Variants in ZNF676 observed in about 807,000 individuals in gnomAD.
The protein encoded by ZNF676 is zinc finger protein 676.
ZNF676 carries 4 observed loss-of-function variants against 6.0 expected under a neutral mutation model. The observed-to-expected ratio is 0.67, with a 90% CI of 0.33 to 1.53. The LOEUF (loss-of-function observed/expected upper bound fraction) is 1.53, where lower values mean the gene tolerates loss of function less well. Among genes scored for constraint, ZNF676 ranks in the 40% most tolerant of loss-of-function variants. ZNF676 has a pLI of 0.06. For missense variants in ZNF676, 644 were observed against 679.7 expected (o/e 0.95, Z 0.58); for synonymous variants, 198 against 223.1 (o/e 0.89, Z 1.00).
intron 1 of ZNF676, among the ~76,000 whole-genome samples, chr19:22,193,457 G>T (rs1526887): frequency 1 from 152,031 of 152,158 alleles, 75,953 homozygotes; most frequent in Middle Eastern, 1. Context: ...ACCCTTCTGT[G>T]TTTTCTGCTT....
the ZNF676 span, among the ~76,000 whole-genome samples, chr19:22,238,144 C>A: frequency 6.6e-6 from 1 of 152,164 alleles, no homozygotes; most frequent in Non-Finnish European, 1.5e-5. Flanking sequence ...CCTCCACCTC[C>A]CAGTTTCAAG....
intron 1 of ZNF676, among the ~76,000 whole-genome samples, chr19:22,214,676 A>T (rs948679837): frequency 5.3e-5 from 8 of 151,942 alleles, no homozygotes; most frequent in African/African-American, 1.9e-4. Flanking sequence ...ATTCAGGCTT[A>T]ACACACTATA....
chr19:22,244,529 G>A, the ZNF676 span: 1 of 152,222 alleles, frequency 6.6e-6, no homozygotes, highest in African/African-American at 2.4e-5. Flanking sequence ...ATGAGCAGAA[G>A]AGTCACATCA....
At chr19:22,217,304 G>A (rs2144845400), upstream of ZNF676, among the ~76,000 whole-genome samples, 1 of 152,308 alleles carries the variant, frequency 6.6e-6, no homozygotes, top group Admixed American at 6.5e-5. Flanking sequence ...CCAGGTTCAA[G>A]CGATGCTCCT....
the ZNF676 span, among the ~76,000 whole-genome samples, chr19:22,232,488 C>G: frequency 3.3e-5 from 5 of 152,018 alleles, no homozygotes; most frequent in Non-Finnish European, 7.4e-5. Flanking sequence ...TTTCAATACC[C>G]CATTTTGTAT....
chr19:22,240,904 G>A, the ZNF676 span, among the ~76,000 whole-genome samples: 3 of 151,978 alleles, frequency 2.0e-5, no homozygotes, highest in Middle Eastern at 6.3e-3. Flanking sequence ...TGGATGATGG[G>A]CACAGAGATA....
the ZNF676 span, among the ~76,000 whole-genome samples, chr19:22,253,391 T>C: frequency 4.4e-5 from 2 of 45,918 alleles, no homozygotes; most frequent in Admixed American, 2.4e-4. Flanking sequence ...TATATATATA[T>C]ATATGATAAT....
chr19:22,254,967 T>A, the ZNF676 span, among the ~76,000 whole-genome samples: 1 of 152,200 alleles, frequency 6.6e-6, no homozygotes, highest in African/African-American at 2.4e-5. Flanking sequence ...CAATCACACA[T>A]GCAAGATGGT....
At chr19:22,250,916 T>C in the ZNF676 span, among the ~76,000 whole-genome samples, 2 of 152,128 alleles carry the variant, frequency 1.3e-5, no homozygotes, top group African/African-American at 4.8e-5. Flanking sequence ...TTCACCATGT[T>C]GAGCAGGCTG....
chr19:22,217,188 A>G (rs1568538208), upstream of ZNF676, among the ~76,000 whole-genome samples: 1 of 151,748 alleles, frequency 6.6e-6, no homozygotes, highest in Non-Finnish European at 1.5e-5. Flanking sequence ...AGTCCACTAT[A>G]TAATTCTTTT....
At chr19:22,249,025 C>A in the ZNF676 span, among the ~76,000 whole-genome samples, 1 of 151,996 alleles carries the variant, frequency 6.6e-6, no homozygotes, top group Non-Finnish European at 1.5e-5. Flanking sequence ...CCACCACACC[C>A]GGCCATGTGT....
At chr19:22,230,151 C>T in the ZNF676 span, among the ~76,000 whole-genome samples, 7 of 152,242 alleles carry the variant, frequency 4.6e-5, 1 homozygote, top group East Asian at 1.9e-4. Context: ...ATATACACCA[C>T]GGAATACTAT....
chr19:22,240,062 G>A, the ZNF676 span, among the ~76,000 whole-genome samples: 1 of 152,212 alleles, frequency 6.6e-6, no homozygotes, highest in Admixed American at 6.5e-5. Context: ...GCAGTGGGCA[G>A]GGCCTAGGCA....
rs529756675 is a variant in ZNF676 at position 22,211,273 on chromosome 19, G to A, written c.3+4359C>T. Among the ~76,000 whole-genome samples, 106 of 152,172 alleles carry A rather than the reference G, an allele frequency of 7.0e-4. 1 individual carries two copies. Among genetic ancestry groups the A allele is most frequent in the South Asian group, 5.4e-3 (26 of 4,814 alleles). ...GCTCTGTAGCTTCTCTCACTATAGA[G>A]GCTTCTTCCATGGCTGCGGTAAGCA... On this transcript the variant is annotated intron_variant, in intron 1 of 3. Coordinates refer to the ZNF676 transcript ENST00000650058.
the ZNF676 span, among the ~76,000 whole-genome samples, chr19:22,222,732 CGCAGCAAA>C: frequency 6.6e-6 from 1 of 152,126 alleles, no homozygotes; most frequent in Admixed American, 6.5e-5. Context: ...AGGTGGTAAA[CGCAGCAAA>C]GCAGCTGCGT....
At chr19:22,212,697 A>G (rs1476723931) in intron 1 of ZNF676, among the ~76,000 whole-genome samples, 3 of 146,060 alleles carry the variant, frequency 2.1e-5, no homozygotes, top group Admixed American at 2.0e-4. Flanking sequence ...AGAGGAAAAC[A>G]CTGTCTAAAA....
At chr19:22,245,212 G>A in the ZNF676 span, 1 of 152,176 alleles carries the variant, frequency 6.6e-6, no homozygotes, top group African/African-American at 2.4e-5. Context: ...TATTTTCCCT[G>A]TGAATAGGGC....
At chr19:22,205,643 G>A (rs1363043791) in intron 1 of ZNF676, among the ~76,000 whole-genome samples, 1 of 152,098 alleles carries the variant, frequency 6.6e-6, no homozygotes, top group Non-Finnish European at 1.5e-5. Flanking sequence ...CAGAATCTCT[G>A]CAATACAGCT....
At chr19:22,241,818 A>C in the ZNF676 span, among the ~76,000 whole-genome samples, 5 of 151,868 alleles carry the variant, frequency 3.3e-5, no homozygotes, top group African/African-American at 4.9e-5. Flanking sequence ...TCACCATCTC[A>C]TTTGTGGTCA....
Sources: gnomAD v4.1 joint callset for allele counts (sites outside exome capture counted in the v4.1 genomes callset) on GRCh38, gnomAD v4.1.1 for gene constraint, MANE v1.5 for transcripts, NCBI Gene and HGNC (gene_info 2026-07-23, HGNC 2026-07-21) for gene names.